The following KBTBD3 variants were observed in gnomAD, a reference collection of about 807,000 sequenced individuals.
The protein encoded by KBTBD3 is kelch repeat and BTB domain-containing protein 3.
KBTBD3 carries 38 observed loss-of-function variants against 49.6 expected under a neutral mutation model. The observed-to-expected ratio is 0.77, with a 90% CI of 0.59 to 1.00. The LOEUF (loss-of-function observed/expected upper bound fraction) is 1.00. Ranked by LOEUF, KBTBD3 falls within the 50% of genes least tolerant of loss-of-function variation. The pLI, the probability that KBTBD3 is intolerant of heterozygous loss-of-function variation, is 0.00. For synonymous variants in KBTBD3, 214 were observed against 250.4 expected, an observed-to-expected ratio of 0.85 and a Z score of 1.37; for missense variants, 661 against 712.0, an observed-to-expected ratio of 0.93 and a Z score of 0.81.
chr11:106,072,748 A>G (rs1161211680), intron 2 of KBTBD3, among the ~76,000 whole-genome samples: 1 of 152,126 alleles, frequency 6.6e-6, no homozygotes, highest in African/African-American at 2.4e-5. Context: ...CAGTGATCTT[A>G]GTTTCGTCAC....
At chr11:106,062,764 C>T (rs1249391049) in intron 2 of KBTBD3, among the ~76,000 whole-genome samples, 1 of 152,190 alleles carries the variant, frequency 6.6e-6, no homozygotes, top group Non-Finnish European at 1.5e-5. Context: ...CCAGATGGCC[C>T]AGGCAAGCTT....
chr11:106,065,176 T>G lies in KBTBD3; in HGVS notation c.-12-6067A>C, dbSNP rs138418076. Reference sequence around the variant, plus strand: ...GTTTTGTTCAAAAATACATAATAATTTTCGTATTTTTAGTAGAGACGGGGT... The same window carrying G: ...GTTTTGTTCAAAAATACATAATAATGTTCGTATTTTTAGTAGAGACGGGGT... On this transcript the variant is annotated intron_variant, in intron 2 of 3. Transcript: ENST00000531837. Among the ~76,000 whole-genome samples the G allele has an allele frequency of 9.9e-4, 150 of 152,222 alleles. 4 individuals are homozygous for G. In the East Asian group the frequency reaches 0.027, roughly 27 times the overall value.
chr11:106,068,724 C>T (rs10895900), intron 2 of KBTBD3, among the ~76,000 whole-genome samples: 91,483 of 151,266 alleles, frequency 0.6, 32,703 homozygotes, highest in Non-Finnish European at 0.78. Flanking sequence ...CAGACAAAGA[C>T]GGTACCCAAA....
rs371541115 is a variant in KBTBD3 at position 106,052,851 on chromosome 11, C to G, written c.1838G>C (p.Ter613SerextTer3). 5.8e-5 allele frequency: 93 copies of G among 1,606,068 alleles called. No individual in the cohort carries two copies. In the African/African-American group the frequency reaches 1.1e-3, roughly 20 times the overall value. Reference protein sequence around the residue: ...RDPWFSNLCA* With the variant: ...RDPWFSNLCAS ...AGAACTGGACTCGTTTTAGAATGTTCAAGCACATAGATTAGAAAACCATGG... is the reference window on the plus strand; with the variant it reads ...AGAACTGGACTCGTTTTAGAATGTTGAAGCACATAGATTAGAAAACCATGG... Residue 613 changes from the stop codon to serine (S), a stop_lost, in exon 4 of 4, where the codon TGA (stop) becomes TCA (serine). Coordinates refer to ENST00000531837, the MANE Select transcript of KBTBD3 (RefSeq NM_198439.3).
intron 2 of KBTBD3, among the ~76,000 whole-genome samples, chr11:106,071,679 A>G (rs1186431125): frequency 1.3e-5 from 2 of 152,160 alleles, no homozygotes; most frequent in African/African-American, 4.8e-5. Context: ...TCCTACTTGT[A>G]TAAGTGTATT....
At chr11:106,072,173 T>A (rs1234567546) in intron 2 of KBTBD3, among the ~76,000 whole-genome samples, 1 of 152,164 alleles carries the variant, frequency 6.6e-6, no homozygotes, top group Non-Finnish European at 1.5e-5. Flanking sequence ...ATAATGGACA[T>A]TGATTTAAGA....
chr11:106,070,142 T>G (rs1254719831), intron 2 of KBTBD3, among the ~76,000 whole-genome samples: 1 of 152,018 alleles, frequency 6.6e-6, no homozygotes, highest in Non-Finnish European at 1.5e-5. Context: ...ATGTAAAATA[T>G]AAAACTTTTA....
At position 106,053,812 on chromosome 11, in the gene KBTBD3, T is replaced by C. The variant is rs1318459667; in HGVS notation, c.877A>G (p.Thr293Ala). 5 of 1,614,010 alleles carry C rather than the reference T, an allele frequency of 3.1e-6. No homozygotes were observed. The highest frequency in any genetic ancestry group is 4.5e-5 in the East Asian group (2 of 44,878). ...TTGTGAATGAATATGTATTTCTCAGTTGTGGATGGTCGAGCATCAGGGAAG... is the reference window on the plus strand; with the variant it reads ...TTGTGAATGAATATGTATTTCTCAGCTGTGGATGGTCGAGCATCAGGGAAG... Reference protein sequence around the residue: ...GLFPDARPSTTEKYIFIHKTE... With the variant: ...GLFPDARPSTAEKYIFIHKTE... Residue 293 changes from threonine (T) to alanine (A), a missense_variant, in exon 4 of 4, where the codon ACT becomes GCT. By Grantham distance (58) the Thr-to-Ala change is moderately conservative. Coordinates refer to ENST00000531837, the MANE Select transcript of KBTBD3 (RefSeq NM_198439.3).
Position 106,058,867 on chromosome 11 carries a change from G to A in KBTBD3, c.231C>T (p.Phe77=). The A allele has an allele frequency of 6.4e-7, 1 of 1,555,990 alleles. No homozygotes were observed. Among genetic ancestry groups the A allele is most frequent in the South Asian group, 1.2e-5 (1 of 82,102 alleles). ...GAGGCATAGACAAGGTAAAGTACCT[G>A]AAAAAGTCACTGCATGCTGCTAACA... The part of the protein sequence containing the change: ...RCVLAACSDF[F]RAMFEVNMKE... The change falls in exon 3 of 4, where the codon TTC becomes TTT. Residue 77 remains phenylalanine (F), a splice_region_variant and synonymous_variant. Transcript: ENST00000531837.
At chr11:106,062,501 G>A (rs532270612) in intron 2 of KBTBD3, among the ~76,000 whole-genome samples, 2 of 152,262 alleles carry the variant, frequency 1.3e-5, no homozygotes, top group East Asian at 3.9e-4. Context: ...AAGCTGGCAA[G>A]CATAAGACCC....
At chr11:106,058,753 T>TTTTTTTTTTTTTTTTTTTTTTTTTA (rs1375718068) in intron 3 of KBTBD3, 112 bp downstream of exon 3, 1 of 698,996 alleles carries the variant, frequency 1.4e-6, no homozygotes, top group African/African-American at 1.9e-5. Context: ...TTTTTTTTTT[T>TTTTTTTTTTTTTTTTTTTTTTTTTA]AGAATTAAAA....
chr11:106,069,475 T>TAAAAA (rs1159088128), intron 2 of KBTBD3, among the ~76,000 whole-genome samples: 4 of 140,534 alleles, frequency 2.8e-5, no homozygotes, highest in Non-Finnish European at 6.3e-5. Context: ...AAACAAAAAT[T>TAAAAA]AAAACAAAAA....
intron 2 of KBTBD3, among the ~76,000 whole-genome samples, chr11:106,060,048 T>C (rs1360723430): frequency 2.0e-5 from 3 of 152,192 alleles, no homozygotes; most frequent in Non-Finnish European, 4.4e-5. Context: ...GCTGAAGCCA[T>C]CTGAAGGTCT....
intron 3 of KBTBD3, among the ~76,000 whole-genome samples, chr11:106,056,358 C>T (rs911628606): frequency 3.3e-5 from 5 of 151,916 alleles, no homozygotes; most frequent in African/African-American, 9.7e-5. Flanking sequence ...TAAAAGCAGA[C>T]CTATAAAAAA....
intron 3 of KBTBD3, among the ~76,000 whole-genome samples, chr11:106,058,487 C>T (rs1441129000): frequency 2.0e-5 from 3 of 151,680 alleles, no homozygotes; most frequent in Non-Finnish European, 2.9e-5. Flanking sequence ...TGCGGTGGCG[C>T]GATCTCAGCT....
In KBTBD3 at chr11:106,053,958, T is replaced by C. The variant is rs764877485; in HGVS notation, c.731A>G (p.His244Arg). 1.2e-6 allele frequency: 2 copies of C among 1,613,928 alleles called. No individual in the cohort carries two copies. Among genetic ancestry groups the C allele is most frequent in the East Asian group, 2.2e-5 (1 of 44,870 alleles). Residue 244 changes from histidine to arginine, a missense_variant, in exon 4 of 4, where the codon CAT becomes CGT. By Grantham distance (29) the His-to-Arg change is conservative. Transcript: ENST00000531837. ...LPHLIEKVRLHQLSEETLQDC... is the reference protein window; with the variant it reads ...LPHLIEKVRLRQLSEETLQDC... ...CTGAAGTGTCTCCTCAGATAACTGATGTAATCTCACTTTTTCAATCAAATG... is the reference window on the plus strand; with the variant it reads ...CTGAAGTGTCTCCTCAGATAACTGACGTAATCTCACTTTTTCAATCAAATG...
Position 106,053,571 on chromosome 11 carries a change from G to T in KBTBD3, c.1118C>A (p.Thr373Asn). The T allele has an allele frequency of 6.2e-7, 1 of 1,613,782 alleles. No homozygotes were observed. The highest frequency in any genetic ancestry group is 8.5e-7 in the Non-Finnish European group (1 of 1,179,878). The change falls in exon 4 of 4, where the codon ACC (threonine) becomes AAC (asparagine). Residue 373 changes from threonine to asparagine, a missense_variant. Transcript: ENST00000531837. ...ATTTTTCACTGGACAGTAGCACCAG[G>T]TTTGATCAGTGGCATCATGATATGA... ...AESYHDATDQ[T>N]WCYCPVKNDF...
chr11:106,072,636 G>C (rs1016922631), intron 2 of KBTBD3, among the ~76,000 whole-genome samples: 1 of 152,044 alleles, frequency 6.6e-6, no homozygotes. Flanking sequence ...CCAAGCCTTT[G>C]ATAAAAAGTA....
At chr11:106,065,757 T>C (rs1050032289) in intron 2 of KBTBD3, among the ~76,000 whole-genome samples, 7 of 151,964 alleles carry the variant, frequency 4.6e-5, no homozygotes, top group Admixed American at 3.3e-4. Context: ...GATCAGGAGT[T>C]CAAGACCAGC....
Sources: allele counts gnomAD v4.1 joint callset (sites outside exome capture counted in the v4.1 genomes callset), GRCh38; gene constraint gnomAD v4.1.1; transcripts MANE v1.5; gene names NCBI Gene and HGNC (gene_info 2026-07-23, HGNC 2026-07-21).